TEX52: variants seen among roughly 807,000 people sequenced by gnomAD.
TEX52 encodes the protein testis expressed 52.
A neutral mutation model predicts 17.6 loss-of-function variants in TEX52; 22 were observed. That is an observed-to-expected ratio of 1.25 (90% CI 0.89 to 1.78). The LOEUF is 1.78. Ranked by LOEUF, TEX52 falls within the 40% of genes most tolerant of loss-of-function variation. TEX52 has a pLI of 0.00. For missense variants in TEX52, 396 were observed against 372.3 expected, an observed-to-expected ratio of 1.06 and a Z score of -0.52; for synonymous variants, 168 against 147.4, an observed-to-expected ratio of 1.14 and a Z score of -1.01.
chr12:2,853,867 C>A (rs1445620718), intron 2 of TEX52, among the ~76,000 whole-genome samples: 1 of 152,128 alleles, frequency 6.6e-6, no homozygotes, highest in Admixed American at 6.6e-5. Flanking sequence ...CTCAGCCCTG[C>A]CTGGAGGGGC....
chr12:2,853,937 C>T (rs2153929383), intron 2 of TEX52, among the ~76,000 whole-genome samples: 1 of 152,334 alleles, frequency 6.6e-6, no homozygotes, highest in East Asian at 1.9e-4. Flanking sequence ...ACCCTGACTT[C>T]CCCATGAGGC....
At chr12:2,848,858 C>A (rs1012180999), downstream of TEX52, among the ~76,000 whole-genome samples, 4 of 146,924 alleles carry the variant, frequency 2.7e-5, no homozygotes, top group Admixed American at 7.1e-5. Flanking sequence ...TCTTCCCCCA[C>A]CCCAACAGAC....
Position 2,849,438 on chromosome 12 carries a change from G to T in TEX52, c.711C>A (p.Ser237Arg). The part of the protein sequence containing the change: ...PNPFPNNFAR[S>R]WPCPNPLPHY... ...GAGGCAGAGGGTTTGGGCAGGGCCA[G>T]CTCCTGGCGAAATTATTGGGAAACG... The change falls in exon 3 of 3, where the codon AGC (serine) becomes AGA (arginine). Residue 237 changes from serine to arginine, a missense_variant. Physicochemically the swap from Ser to Arg is moderately radical, Grantham distance 110. Transcript: ENST00000637658. 6.5e-7 allele frequency: 1 copy of T among 1,536,188 alleles called. No individual in the cohort carries two copies.
At chr12:2,852,091 G>A (rs2098072901) in intron 2 of TEX52, among the ~76,000 whole-genome samples, 3 of 152,136 alleles carry the variant, frequency 2.0e-5, no homozygotes, top group Admixed American at 2.0e-4. Flanking sequence ...GGACCGCTGT[G>A]GTATATGTGG....
chr12:2,849,998 A>G (rs1241025079), intron 2 of TEX52, among the ~76,000 whole-genome samples: 2 of 152,188 alleles, frequency 1.3e-5, no homozygotes, highest in African/African-American at 4.8e-5. Flanking sequence ...TCTATGACTC[A>G]GCGCACTTTG....
intron 2 of TEX52, among the ~76,000 whole-genome samples, chr12:2,853,426 C>CA (rs1410729749): frequency 2.6e-5 from 4 of 152,152 alleles, no homozygotes; most frequent in Non-Finnish European, 4.4e-5. Context: ...GCGCCTGCCA[C>CA]CACGCCCAGC....
chr12:2,854,963 T>C lies in TEX52; in HGVS notation c.556A>G (p.Arg186Gly). ...AGTGGGGGTGCTCTTGCCTCACTCC[T>C]CAACTTGAGCTTCTCCACCTCCTTC... ...ELKEVEKLKL[R>G]SEARAPPLDA... is the part of the protein sequence containing the mutation. The change falls in exon 2 of 3, where the codon AGG becomes GGG. Residue 186 changes from arginine to glycine, a missense_variant. Arg to Gly is a moderately radical substitution (Grantham distance 125, BLOSUM62 -2). Transcript: ENST00000637658. The C allele has an allele frequency of 6.5e-7, 1 of 1,536,238 alleles. No individual in the cohort carries two copies. The highest frequency in any genetic ancestry group is 1.2e-5 in the South Asian group (1 of 84,066).
At chr12:2,851,911 T>G (rs1291643308) in intron 2 of TEX52, among the ~76,000 whole-genome samples, 1 of 152,048 alleles carries the variant, frequency 6.6e-6, no homozygotes, top group Non-Finnish European at 1.5e-5. Flanking sequence ...ACTCCTTACC[T>G]CAAGTGATCT....
At chr12:2,851,894 G>A (rs1233974218) in intron 2 of TEX52, among the ~76,000 whole-genome samples, 1 of 151,990 alleles carries the variant, frequency 6.6e-6, no homozygotes, top group Non-Finnish European at 1.5e-5. Flanking sequence ...GGCCAGGCTG[G>A]TCTTGAACTC....
rs750900179 is a variant in TEX52 at position 2,849,233 on chromosome 12, A to G, written c.916T>C (p.Ter306GlnextTer9). The change falls in exon 3 of 3, where the codon TAG (stop) becomes CAG (glutamine). Residue 306 changes from the stop codon to glutamine, a stop_lost. Transcript: ENST00000637658. Reference sequence around the variant, plus strand: ...GATCGTCCCCTCTGGAAGCCCTTCTAGAAGTGTCCAGGTCTTCTCTTCCTC... The same window carrying G: ...GATCGTCCCCTCTGGAAGCCCTTCTGGAAGTGTCCAGGTCTTCTCTTCCTC... ...RKRKRRPGHF[*>Q] is the part of the protein sequence containing the mutation. 4.6e-6 allele frequency: 7 copies of G among 1,535,142 alleles called. No individual in the cohort carries two copies. Among genetic ancestry groups the G allele is most frequent in the Admixed American group, 3.9e-5 (2 of 50,848 alleles).
In TEX52 at chr12:2,855,048, A is replaced by T. The variant is rs1416281926; in HGVS notation, c.471T>A (p.Tyr157Ter). 1.3e-6 allele frequency: 2 copies of T among 1,536,030 alleles called. No homozygotes were observed. The highest frequency in any genetic ancestry group is 1.2e-5 in the South Asian group (1 of 84,058). Residue 157 changes from tyrosine to a stop codon, truncating the protein, a stop_gained, in exon 2 of 3, where the codon TAT becomes TAA. Coordinates refer to ENST00000637658, the MANE Select transcript of TEX52 (RefSeq NM_001365174.2). LOFTEE classifies it high-confidence loss of function. ...QNSFLTFIHCYPTFVDMKRKK... is the reference protein window; with the variant it reads ...QNSFLTFIHC ...TCCTTTTCATGTCCACAAACGTGGG[A>T]TAACAGTGGATGAAGGTCAGGAAGC...
intron 1 of TEX52, among the ~76,000 whole-genome samples, chr12:2,856,252 C>T (rs1435419920): frequency 6.6e-6 from 1 of 152,182 alleles, no homozygotes; most frequent in African/African-American, 2.4e-5. Context: ...TCTGTCTGTG[C>T]TCTTGCTTGG....
At chr12:2,852,635 G>A (rs972388936) in intron 2 of TEX52, among the ~76,000 whole-genome samples, 17 of 152,072 alleles carry the variant, frequency 1.1e-4, no homozygotes, top group African/African-American at 4.1e-4. Flanking sequence ...AAAGTGTTGG[G>A]ATTACAGGCA....
chr12:2,850,209 C>T (rs1013599368), intron 2 of TEX52, among the ~76,000 whole-genome samples: 1 of 152,148 alleles, frequency 6.6e-6, no homozygotes, highest in African/African-American at 2.4e-5. Context: ...GACCCAGTGG[C>T]TCACACCTGT....
chr12:2,852,984 AG>A (rs2098075823), intron 2 of TEX52, among the ~76,000 whole-genome samples: 3 of 151,380 alleles, frequency 2.0e-5, no homozygotes, highest in Admixed American at 2.0e-4. Context: ...TGGGCAACAG[AG>A]GAAGACTCTG....
chr12:2,854,030 A>G (rs2098079537), intron 2 of TEX52, among the ~76,000 whole-genome samples: 1 of 152,040 alleles, frequency 6.6e-6, no homozygotes, highest in Non-Finnish European at 1.5e-5. Flanking sequence ...TATTTAATTA[A>G]TTTATTTATT....
intron 2 of TEX52, among the ~76,000 whole-genome samples, chr12:2,849,727 T>C (rs373479121): frequency 2.6e-5 from 4 of 152,324 alleles, no homozygotes; most frequent in African/African-American, 9.6e-5. Flanking sequence ...GTGTTGGTGT[T>C]AGGCTGGTGA....
Position 2,855,332 on chromosome 12 carries a change from G to C in TEX52, c.187C>G (p.Leu63Val). The C allele has an allele frequency of 6.5e-7, 1 of 1,532,274 alleles. No homozygotes were observed. Among genetic ancestry groups the C allele is most frequent in the Non-Finnish European group, 8.7e-7 (1 of 1,143,994 alleles). The allele number at this position is 1,532,274 out of a possible 1,614,324, so 94.9% of individuals were successfully genotyped here. ...PGFTRQAYHQ[L>V]ALKLPPCTDM... Reference sequence around the variant, plus strand: ...GTGCAGGGCGGCAGCTTCAGAGCCAGCTGGTGGTAGGCTTGCCGGGTGAAG... The same window carrying C: ...GTGCAGGGCGGCAGCTTCAGAGCCACCTGGTGGTAGGCTTGCCGGGTGAAG... The change falls in exon 2 of 3, where the codon CTG becomes GTG. Residue 63 changes from leucine to valine, a missense_variant. Leu to Val is a conservative substitution (Grantham distance 32). Coordinates refer to ENST00000637658, the MANE Select transcript of TEX52 (RefSeq NM_001365174.2).
At chr12:2,851,301 T>C (rs2098070147) in intron 2 of TEX52, among the ~76,000 whole-genome samples, 2 of 152,140 alleles carry the variant, frequency 1.3e-5, no homozygotes, top group Non-Finnish European at 2.9e-5. Context: ...TACTGTACAC[T>C]ACTGTGGACT....
Sources: allele counts gnomAD v4.1 joint callset (sites outside exome capture counted in the v4.1 genomes callset), GRCh38; gene constraint gnomAD v4.1.1; transcripts MANE v1.5; gene names NCBI Gene and HGNC (gene_info 2026-07-23, HGNC 2026-07-21).